ASXL3: variants seen among roughly 807,000 people sequenced by gnomAD.
The protein encoded by ASXL3 is putative Polycomb group protein ASXL3.
A neutral mutation model predicts 170.6 loss-of-function variants in ASXL3; 34 were observed. The ratio of observed to expected loss-of-function variants is 0.20; its 90% CI spans 0.15 to 0.27. The LOEUF is 0.27. Among genes scored for constraint, ASXL3 ranks in the 10% least tolerant of loss-of-function variants. The pLI is 1.00. For synonymous variants in ASXL3, 1,002 were observed against 989.1 expected, an observed-to-expected ratio of 1.01 and a Z score of -0.24; for missense variants, 2,592 against 2,695.3, an observed-to-expected ratio of 0.96 and a Z score of 0.85.
rs2067169906 is a variant in ASXL3, at chr18:33,716,627, C to T, written c.880-15341C>T. ...GGTGTAATTTAGGTGGCATGTTTGG[C>T]ATTTTGTTAGGAAAATTTAAAGGTT... On this transcript the variant is annotated intron_variant, in intron 8 of 11. Coordinates refer to ENST00000269197, the MANE Select transcript of ASXL3 (RefSeq NM_030632.3). 2.0e-5 allele frequency among the ~76,000 whole-genome samples: 3 copies of T among 152,040 alleles called. No homozygotes were observed. In the South Asian group the frequency reaches 6.2e-4, roughly 31 times the overall value.
chr18:33,581,049 A>G (rs777074367), intron 1 of ASXL3, among the ~76,000 whole-genome samples: 2 of 152,194 alleles, frequency 1.3e-5, no homozygotes, highest in Non-Finnish European at 2.9e-5. Context: ...ACTGGTCACC[A>G]TTAACCAAAT....
At chr18:33,582,732 G>GTA (rs1468686820) in intron 1 of ASXL3, among the ~76,000 whole-genome samples, 5 of 150,370 alleles carry the variant, frequency 3.3e-5, no homozygotes, top group Non-Finnish European at 7.4e-5. Context: ...GTGTGTGTGT[G>GTA]TGTGTGTGTT....
At chr18:33,695,109 A>T (rs868277745) in intron 8 of ASXL3, among the ~76,000 whole-genome samples, 1 of 152,186 alleles carries the variant, frequency 6.6e-6, no homozygotes, top group Non-Finnish European at 1.5e-5. Flanking sequence ...TTGATTTAAA[A>T]ATTATACTGT....
intron 8 of ASXL3, among the ~76,000 whole-genome samples, chr18:33,701,404 C>A (rs966569410): frequency 6.6e-6 from 1 of 152,036 alleles, no homozygotes; most frequent in Admixed American, 6.6e-5. Context: ...CTTAACAATA[C>A]CAAGTCCTCT....
chr18:33,714,885 A>C (rs1400407162), intron 8 of ASXL3, among the ~76,000 whole-genome samples: 2 of 152,114 alleles, frequency 1.3e-5, no homozygotes, highest in African/African-American at 4.8e-5. Flanking sequence ...GAACCTTTTC[A>C]TACCCCTTGT....
In ASXL3 at chr18:33,728,042, T is replaced by A. The variant is rs2067378759; in HGVS notation, c.880-3926T>A. ...TCAGAGCTAATCTGGATCTGGTATT[T>A]ATTTGTGTCTTAAAATTATGCTGAA... On this transcript the variant is annotated intron_variant, in intron 8 of 11. Transcript: ENST00000269197. Among the ~76,000 whole-genome samples the A allele has an allele frequency of 2.0e-5, 3 of 152,168 alleles. No individual in the cohort carries two copies. The South Asian group carries it at 6.2e-4, about 31-fold the overall frequency.
intron 4 of ASXL3, among the ~76,000 whole-genome samples, chr18:33,657,400 G>T (rs1478236522): frequency 3.3e-5 from 5 of 152,022 alleles, no homozygotes; most frequent in Admixed American, 1.3e-4. Flanking sequence ...TATTCTGATT[G>T]CTCCTTTCTG....
intron 2 of ASXL3, among the ~76,000 whole-genome samples, chr18:33,616,389 T>G (rs2065422163): frequency 8.8e-6 from 1 of 114,000 alleles, no homozygotes; most frequent in Non-Finnish European, 1.9e-5. Flanking sequence ...CAAGGACTGT[T>G]GTGTGTGCCT....
chr18:33,669,009 A>T (rs950925259), intron 5 of ASXL3, among the ~76,000 whole-genome samples: 21 of 152,120 alleles, frequency 1.4e-4, no homozygotes, highest in African/African-American at 5.1e-4. Context: ...ATCACTCTTT[A>T]TGCAGGTTTA....
Position 33,598,971 on chromosome 18 carries a change from T to C in ASXL3, c.55-8623T>C, listed in dbSNP as rs117930843. Reference sequence around the variant, plus strand: ...GAGGGGGACAATAGGCCCTATGTGATAGGGTTGTTAAAAGTATTAAATGAA... The same window carrying C: ...GAGGGGGACAATAGGCCCTATGTGACAGGGTTGTTAAAAGTATTAAATGAA... On this transcript the variant is annotated intron_variant, in intron 1 of 11. Coordinates refer to ENST00000269197, the MANE Select transcript of ASXL3 (RefSeq NM_030632.3). Among the ~76,000 whole-genome samples the C allele has an allele frequency of 2.6e-5, 4 of 152,268 alleles. No homozygotes were observed. In the East Asian group the frequency reaches 7.7e-4, roughly 29 times the overall value.
chr18:33,592,032 G>C (rs1258825537), intron 1 of ASXL3, among the ~76,000 whole-genome samples: 6 of 152,076 alleles, frequency 3.9e-5, no homozygotes, highest in Admixed American at 3.9e-4. Context: ...AAGCTTTAGT[G>C]GAGAATGAAA....
chr18:33,738,341 A>G (rs957700631), intron 10 of ASXL3, 146 bp from the exon 11 acceptor site: 15 of 845,564 alleles, frequency 1.8e-5, no homozygotes, highest in Middle Eastern at 3.6e-4. Flanking sequence ...ATCATTGTAA[A>G]CTGGTTTACA....
intron 2 of ASXL3, 45 bp from the exon 3 acceptor site, chr18:33,644,849 G>A: frequency 8.0e-7 from 1 of 1,255,272 alleles, no homozygotes; most frequent in East Asian, 2.6e-5. Flanking sequence ...TGCAATAGAA[G>A]CTGTACCTCA....
At chr18:33,646,887 G>GA (rs1198095074) in intron 4 of ASXL3, among the ~76,000 whole-genome samples, 2 of 145,952 alleles carry the variant, frequency 1.4e-5, no homozygotes, top group African/African-American at 5.1e-5. Flanking sequence ...GAGCGGGGGG[G>GA]GGGGGCATTT....
chr18:33,638,133 G>GTA (rs146413821), intron 2 of ASXL3, among the ~76,000 whole-genome samples: 20,544 of 148,478 alleles, frequency 0.14, 2,121 homozygotes, highest in African/African-American at 0.3. Flanking sequence ...CATGTGTATA[G>GTA]TATATATATA....
At chr18:33,621,780 G>A (rs1035786349) in intron 2 of ASXL3, among the ~76,000 whole-genome samples, 19 of 152,066 alleles carry the variant, frequency 1.2e-4, no homozygotes, top group Non-Finnish European at 2.4e-4. Flanking sequence ...TTTAACTATG[G>A]GATATGTGAG....
intron 2 of ASXL3, among the ~76,000 whole-genome samples, chr18:33,623,546 T>A (rs1245914267): frequency 6.6e-6 from 1 of 152,140 alleles, no homozygotes; most frequent in East Asian, 1.9e-4. Flanking sequence ...AAATGTTCTG[T>A]CAGTTGTAAG....
intron 2 of ASXL3, among the ~76,000 whole-genome samples, chr18:33,617,957 T>A (rs2065453186): frequency 6.6e-6 from 1 of 152,162 alleles, no homozygotes; most frequent in African/African-American, 2.4e-5. Context: ...TCTTCCTCTC[T>A]TATTTCATTG....
chr18:33,591,758 C>A (rs1253222543), intron 1 of ASXL3, among the ~76,000 whole-genome samples: 1 of 151,886 alleles, frequency 6.6e-6, no homozygotes, highest in Non-Finnish European at 1.5e-5. Context: ...TCTGTTGCCT[C>A]AGCCTCCCAA....
Sources: allele counts gnomAD v4.1 joint callset (sites outside exome capture counted in the v4.1 genomes callset), GRCh38; gene constraint gnomAD v4.1.1; transcripts MANE v1.5; gene names NCBI Gene and HGNC (gene_info 2026-07-23, HGNC 2026-07-21).